AVP: variants seen among roughly 807,000 people sequenced by gnomAD.
The protein encoded by AVP is arginine vasopressin.
Under a neutral mutation model 11.1 loss-of-function variants are expected in AVP, and 9 were observed. That is an observed-to-expected ratio of 0.81 (90% CI 0.49 to 1.42). AVP has a LOEUF of 1.42. Among genes scored for constraint, AVP ranks in the 40% most tolerant of loss-of-function variants. The pLI is 0.00. For synonymous variants in AVP, 106 were observed against 111.3 expected, an observed-to-expected ratio of 0.95 and a Z score of 0.30; for missense variants, 206 against 238.5, an observed-to-expected ratio of 0.86 and a Z score of 0.90.
Position 3,082,605 on chromosome 20 carries a change from C to A in AVP, c.*25G>T. On this transcript the variant is annotated 3_prime_UTR_variant, in exon 3 of 3. Transcript: ENST00000380293. The surrounding 1 kb of genome is among the most constrained non-coding windows in gnomAD (Gnocchi z 4.7). ...GTGCTGCAGGGGCGGGCGCGAAGAG[C>A]GCGCCGGTGGGGCGAGCGCGGGGCT... 1.6e-6 allele frequency: 2 copies of A among 1,244,654 alleles called. No individual in the cohort carries two copies. Among genetic ancestry groups the A allele is most frequent in the Non-Finnish European group, 2.0e-6 (2 of 995,410 alleles). The allele number at this position is 1,244,654 out of a possible 1,614,324, so 77.1% of individuals were successfully genotyped here. A position where few individuals can be genotyped will look rare whatever the true frequency, so the allele number is the denominator to read the frequency against.
rs2066118598 is a variant in AVP at position 3,082,954 on chromosome 20, C to G, written c.322+23G>C. 2.2e-6 allele frequency: 3 copies of G among 1,393,020 alleles called. No individual in the cohort carries two copies. The South Asian group carries it at 4.7e-5, about 22-fold the overall frequency. The allele number at this position is 1,393,020 out of a possible 1,614,324, so 86.3% of individuals were successfully genotyped here. On this transcript the variant is annotated intron_variant, in intron 2 of 2. Coordinates refer to ENST00000380293, the MANE Select transcript of AVP (RefSeq NM_000490.5). The surrounding 1 kb of genome is among the most constrained non-coding windows in gnomAD (Gnocchi z 4.7). ...CAAGCGGTCTGCGCCCCCCCCAGCCCCAGGCCCGCCCCCGCCGCGCACCGT... is the reference window on the plus strand; with the variant it reads ...CAAGCGGTCTGCGCCCCCCCCAGCCGCAGGCCCGCCCCCGCCGCGCACCGT...
rs949757604 is a variant in AVP at position 3,083,481 on chromosome 20, G to T, written c.121-303C>A. 3.3e-5 allele frequency among the ~76,000 whole-genome samples: 5 copies of T among 152,122 alleles called. No homozygotes were observed. The highest frequency in any genetic ancestry group is 2.6e-4 in the Admixed American group (4 of 15,270). ...CGTGGGGAACCCTTCCTCGAGCCTC[G>T]GGGTCATCGCTGGTGGGCGCCACTG... On this transcript the variant is annotated intron_variant, in intron 1 of 2. Coordinates refer to ENST00000380293, the MANE Select transcript of AVP (RefSeq NM_000490.5). The surrounding 1 kb of genome is among the most constrained non-coding windows in gnomAD (Gnocchi z 5.4).
chr20:3,082,561 T>C lies in AVP; in HGVS notation c.*69A>G. On this transcript the variant is annotated 3_prime_UTR_variant, in exon 3 of 3. Coordinates refer to ENST00000380293, the MANE Select transcript of AVP (RefSeq NM_000490.5). The surrounding 1 kb of genome is among the most constrained non-coding windows in gnomAD (Gnocchi z 4.7). Reference sequence around the variant, plus strand: ...CTGAGACAGACGCGAGGCCGTGCATTGGCGGAGGTTTATTGTCCGTGCTGC... The same window carrying C: ...CTGAGACAGACGCGAGGCCGTGCATCGGCGGAGGTTTATTGTCCGTGCTGC... 1 of 1,210,816 alleles carries C rather than the reference T, an allele frequency of 8.3e-7. No homozygotes were observed. The highest frequency in any genetic ancestry group is 1.0e-6 in the Non-Finnish European group (1 of 971,854). The allele number at this position is 1,210,816 out of a possible 1,614,324, so 75.0% of individuals were successfully genotyped here. A position where few individuals can be genotyped will look rare whatever the true frequency, so the allele number is the denominator to read the frequency against.
rs2066124066 is a variant in AVP, at chr20:3,083,813, T to A, written c.121-635A>T. On this transcript the variant is annotated intron_variant, in intron 1 of 2. Transcript: ENST00000380293. This position sits in a 1 kb window ranked among gnomAD's most constrained non-coding sequence, Gnocchi z 5.4. ...GGTGCCTCAGGACCCTAAAGGAGCCTAGCAGGAGGAAGAGAGGCTGCGGGG... is the reference window on the plus strand; with the variant it reads ...GGTGCCTCAGGACCCTAAAGGAGCCAAGCAGGAGGAAGAGAGGCTGCGGGG... Among the ~76,000 whole-genome samples, 1 of 152,186 alleles carries A rather than the reference T, an allele frequency of 6.6e-6. No individual in the cohort carries two copies. The highest frequency in any genetic ancestry group is 2.4e-5 in the African/African-American group (1 of 41,448).
chr20:3,083,221 G>A lies in AVP; in HGVS notation c.121-43C>T, dbSNP rs2148571032. The A allele has an allele frequency of 7.0e-7, 1 of 1,433,484 alleles. No individual in the cohort carries two copies. The highest frequency in any genetic ancestry group is 9.2e-7 in the Non-Finnish European group (1 of 1,092,810). The allele number at this position is 1,433,484 out of a possible 1,614,324, so 88.8% of individuals were successfully genotyped here. ...GTGAGCGGGAGGAGGGGAGCCGGGA[G>A]TCGAGGGGTTGGAGGGGAACGCAGC... On this transcript the variant is annotated intron_variant, in intron 1 of 2. Coordinates refer to ENST00000380293, the MANE Select transcript of AVP (RefSeq NM_000490.5). This position sits in a 1 kb window ranked among gnomAD's most constrained non-coding sequence, Gnocchi z 5.4.
Position 3,083,393 on chromosome 20 carries a change from C to T in AVP, c.121-215G>A, listed in dbSNP as rs1385864536. Among the ~76,000 whole-genome samples, 1 of 152,128 alleles carries T rather than the reference C, an allele frequency of 6.6e-6. No homozygotes were observed. The highest frequency in any genetic ancestry group is 1.5e-5 in the Non-Finnish European group (1 of 68,000). On this transcript the variant is annotated intron_variant, in intron 1 of 2. Coordinates refer to ENST00000380293, the MANE Select transcript of AVP (RefSeq NM_000490.5). This position sits in a 1 kb window ranked among gnomAD's most constrained non-coding sequence, Gnocchi z 5.4. ...TCGGCACCTTGGTTTCTTGGATGAC[C>T]TCTCGGTGACAGCCCTCAGCGTCCT...
chr20:3,084,423 C>G, intron 1 of AVP, 132 bp downstream of exon 1: 1 of 1,501,940 alleles, frequency 6.7e-7, no homozygotes, highest in East Asian at 2.3e-5. Context: ...CCATGCCATG[C>G]CTCCCTCTTC....
At position 3,083,556 on chromosome 20, in the gene AVP, C is replaced by T. The variant is rs2066122618; in HGVS notation, c.121-378G>A. On this transcript the variant is annotated intron_variant, in intron 1 of 2. Transcript: ENST00000380293. This position sits in a 1 kb window ranked among gnomAD's most constrained non-coding sequence, Gnocchi z 5.4. Reference sequence around the variant, plus strand: ...CTCCAGACCCTTCCTCCTTCCTCCTCGCCCTGCTGCGGCTTGAGCCCGGGC... The same window carrying T: ...CTCCAGACCCTTCCTCCTTCCTCCTTGCCCTGCTGCGGCTTGAGCCCGGGC... Among the ~76,000 whole-genome samples, 1 of 152,166 alleles carries T rather than the reference C, an allele frequency of 6.6e-6. No homozygotes were observed. Among genetic ancestry groups the T allele is most frequent in the Admixed American group, 6.5e-5 (1 of 15,274 alleles).
In AVP at chr20:3,083,095, G is replaced by A; in HGVS notation, c.204C>T (p.Gly68=). The change falls in exon 2 of 3, where the codon GGC becomes GGT. Residue 68 remains glycine (G), a synonymous_variant. Transcript: ENST00000380293. The surrounding 1 kb of genome is among the most constrained non-coding windows in gnomAD (Gnocchi z 5.4). ...CCTGGCAGCGCAGCGCCTCAGCCGT[G>A]CCCACGAAGCAGCCCAGCTCGTCCG... is the stretch of plus-strand genomic sequence containing the variant. ...CCADELGCFV[G]TAEALRCQEE... 6.4e-7 allele frequency: 1 copy of A among 1,557,132 alleles called. No homozygotes were observed. The highest frequency in any genetic ancestry group is 2.5e-5 in the East Asian group (1 of 40,352).
In AVP at chr20:3,083,637, C is replaced by G. The variant is rs1440330052; in HGVS notation, c.121-459G>C. 6.6e-6 allele frequency among the ~76,000 whole-genome samples: 1 copy of G among 152,188 alleles called. No individual in the cohort carries two copies. Among genetic ancestry groups the G allele is most frequent in the Non-Finnish European group, 1.5e-5 (1 of 68,022 alleles). On this transcript the variant is annotated intron_variant, in intron 1 of 2. Transcript: ENST00000380293. The surrounding 1 kb of genome is among the most constrained non-coding windows in gnomAD (Gnocchi z 5.4). ...AGGCCCTACCCATCCAGAACCCCGG[C>G]CCTTCCCATTTCCTGTCTCCTCTCT...
chr20:3,082,708 G>C lies in AVP; in HGVS notation c.417C>G (p.Ala139=), dbSNP rs1054332322. ...GCACCAGCCGCAGCAGCAAGGCCCC[G>C]GCCGGCCCGTCCAGCTGCGTGGCGT... ...RSNATQLDGP[A]GALLLRLVQL... Residue 139 remains alanine (A), a synonymous_variant, in exon 3 of 3, where the codon GCC becomes GCG. Transcript: ENST00000380293. This position sits in a 1 kb window ranked among gnomAD's most constrained non-coding sequence, Gnocchi z 4.7. 2 of 1,290,842 alleles carry C rather than the reference G, an allele frequency of 1.5e-6. No homozygotes were observed. The highest frequency in any genetic ancestry group is 9.8e-7 in the Non-Finnish European group (1 of 1,022,448). 80.0% of individuals were successfully genotyped at this position (1,290,842 alleles called of 1,614,324 possible).
rs762842372 is a variant in AVP, at chr20:3,083,026, C to G, written c.273G>C (p.Ala91=). The change falls in exon 2 of 3, where the codon GCG becomes GCC. Residue 91 remains alanine, a synonymous_variant. Coordinates refer to ENST00000380293, the MANE Select transcript of AVP (RefSeq NM_000490.5). The surrounding 1 kb of genome is among the most constrained non-coding windows in gnomAD (Gnocchi z 5.4). ...LPSPCQSGQK[A]CGSGGRCAAF... The stretch of plus-strand genomic sequence containing the variant: ...CGGCGCAGCGGCCCCCGCTCCCGCA[C>G]GCCTTCTGGCCGGACTGGCAGGGCG... The G allele has an allele frequency of 1.3e-6, 2 of 1,548,662 alleles. No homozygotes were observed. The highest frequency in any genetic ancestry group is 1.8e-5 in the Admixed American group (1 of 54,210).
rs1302719226 is a variant in AVP, at chr20:3,083,038, G to A, written c.261C>T (p.Ser87=). The A allele has an allele frequency of 4.5e-6, 7 of 1,554,802 alleles. No homozygotes were observed. Among genetic ancestry groups the A allele is most frequent in the East Asian group, 2.5e-5 (1 of 39,562 alleles). The part of the protein sequence containing the change: ...EENYLPSPCQ[S]GQKACGSGGR... ...CCCCGCTCCCGCACGCCTTCTGGCC[G>A]GACTGGCAGGGCGACGGCAGGTAGT... Residue 87 remains serine (S), a synonymous_variant, in exon 2 of 3, where the codon TCC becomes TCT. Coordinates refer to ENST00000380293, the MANE Select transcript of AVP (RefSeq NM_000490.5). This position sits in a 1 kb window ranked among gnomAD's most constrained non-coding sequence, Gnocchi z 5.4.
rs2066117860 is a variant in AVP at position 3,082,913 on chromosome 20, C to A, written c.322+64G>T. ...ACGCAGCCCCCACCCCGCCGCAGGC[C>A]CGCGTCCCCCCCACCCAAGCGGTCT... On this transcript the variant is annotated intron_variant, in intron 2 of 2. Transcript: ENST00000380293. This position sits in a 1 kb window ranked among gnomAD's most constrained non-coding sequence, Gnocchi z 4.7. The A allele has an allele frequency of 1.3e-6, 1 of 772,668 alleles. No homozygotes were observed. Among genetic ancestry groups the A allele is most frequent in the Admixed American group, 5.4e-5 (1 of 18,460 alleles). The allele number at this position is 772,668 out of a possible 1,614,324, so 47.9% of individuals were successfully genotyped here. A position where few individuals can be genotyped will look rare whatever the true frequency, so the allele number is the denominator to read the frequency against.
chr20:3,083,307 C>T lies in AVP; in HGVS notation c.121-129G>A. 9.5e-7 allele frequency: 1 copy of T among 1,049,326 alleles called. No individual in the cohort carries two copies. The highest frequency in any genetic ancestry group is 1.3e-6 in the Non-Finnish European group (1 of 787,122). The allele number at this position is 1,049,326 out of a possible 1,614,324, so 65.0% of individuals were successfully genotyped here. On this transcript the variant is annotated intron_variant, in intron 1 of 2. Transcript: ENST00000380293. This position sits in a 1 kb window ranked among gnomAD's most constrained non-coding sequence, Gnocchi z 5.4. ...GGGCGGGACACCGGGGCTGCGGCTG[C>T]AGGCACGCTCGGGCGCCACTGGGCC...
chr20:3,084,028 A>G (rs1434307014), intron 1 of AVP, among the ~76,000 whole-genome samples: 1 of 152,234 alleles, frequency 6.6e-6, no homozygotes, highest in Admixed American at 6.5e-5. Context: ...AACGTCCAGC[A>G]CTATAGAATT....
rs1480710193 is a variant in AVP, at chr20:3,083,362, A to T, written c.121-184T>A. 4.0e-5 allele frequency among the ~76,000 whole-genome samples: 6 copies of T among 151,722 alleles called. No individual in the cohort carries two copies. The highest frequency in any genetic ancestry group is 8.8e-5 in the Non-Finnish European group (6 of 67,956). On this transcript the variant is annotated intron_variant, in intron 1 of 2. Transcript: ENST00000380293. The surrounding 1 kb of genome is among the most constrained non-coding windows in gnomAD (Gnocchi z 5.4). ...CCGCGGTCACGGGCGGGGCGTCCAG[A>T]TCTGCTCGGCACCTTGGTTTCTTGG... is the stretch of plus-strand genomic sequence containing the variant.
chr20:3,084,618 C>T lies in AVP; in HGVS notation c.57G>A (p.Ala19=), dbSNP rs779598962. Reference sequence around the variant, plus strand: ...CCCTCGGGCAGTTCTGGAAGTAGCACGCGGAGGAGAAGGCCAGTAGGCCGA... The same window carrying T: ...CCCTCGGGCAGTTCTGGAAGTAGCATGCGGAGGAGAAGGCCAGTAGGCCGA... ...CFLGLLAFSS[A]CYFQNCPRGG... is the part of the protein sequence containing the mutation. The change falls in exon 1 of 3, where the codon GCG becomes GCA. Residue 19 remains alanine, a synonymous_variant. Transcript: ENST00000380293. 6.8e-6 allele frequency: 11 copies of T among 1,613,766 alleles called. No homozygotes were observed. The highest frequency in any genetic ancestry group is 6.7e-5 in the Admixed American group (4 of 60,008).
chr20:3,084,721 CTG>C lies in AVP; in HGVS notation c.-49_-48del. 6.2e-7 allele frequency: 1 copy of C among 1,609,546 alleles called. No homozygotes were observed. Among genetic ancestry groups the C allele is most frequent in the Non-Finnish European group, 8.5e-7 (1 of 1,179,828 alleles). ...CCGTATGCAGCACTGCTTGGTGGCT[CTG>C]TGCTGCTGCCTCTGCTGGCTGCCTA... On this transcript the variant is annotated 5_prime_UTR_variant, in exon 1 of 3. Transcript: ENST00000380293.
Sources: allele counts gnomAD v4.1 joint callset (sites outside exome capture counted in the v4.1 genomes callset), GRCh38; gene constraint gnomAD v4.1.1; non-coding constraint Gnocchi (gnomAD v3.1); transcripts MANE v1.5; gene names NCBI Gene and HGNC (gene_info 2026-07-23, HGNC 2026-07-21).